Variants in PDGFRL observed in about 807,000 individuals in gnomAD.
PDGFRL encodes the protein platelet derived growth factor receptor like.
A neutral mutation model predicts 37.2 loss-of-function variants in PDGFRL; 46 were observed. That is an observed-to-expected ratio of 1.24 (90% CI 0.98 to 1.58). The LOEUF is 1.58. Among genes scored for constraint, PDGFRL ranks in the 40% most tolerant of loss-of-function variants. The pLI is 0.00. For synonymous variants in PDGFRL, 251 were observed against 184.3 expected, an observed-to-expected ratio of 1.36 and a Z score of -2.93; for missense variants, 692 against 467.6, an observed-to-expected ratio of 1.48 and a Z score of -4.43.
At chr8:17,591,035 A>C (rs552776269) in intron 2 of PDGFRL, among the ~76,000 whole-genome samples, 1 of 152,072 alleles carries the variant, frequency 6.6e-6, no homozygotes, top group African/African-American at 2.4e-5. Flanking sequence ...GGTGCCTGCC[A>C]CCACGCCTGG....
chr8:17,636,218 G>A (rs981333244), intron 5 of PDGFRL, among the ~76,000 whole-genome samples: 2 of 152,196 alleles, frequency 1.3e-5, no homozygotes, highest in African/African-American at 4.8e-5. Context: ...TTTTTCCACT[G>A]TTATCTTCTA....
chr8:17,621,241 C>A, intron 3 of PDGFRL, 39 bp downstream of exon 3: 2 of 1,463,272 alleles, frequency 1.4e-6, no homozygotes, highest in Non-Finnish European at 1.9e-6. Context: ...CTTCAAACTT[C>A]TGGACCGGGC....
chr8:17,586,430 A>T (rs911166579), intron 1 of PDGFRL, among the ~76,000 whole-genome samples: 1 of 152,188 alleles, frequency 6.6e-6, no homozygotes, highest in Admixed American at 6.5e-5. Context: ...ATTTGTGCAA[A>T]TAAAGTGAAA....
At chr8:17,625,515 A>T (rs1193151324) in intron 3 of PDGFRL, among the ~76,000 whole-genome samples, 1 of 151,958 alleles carries the variant, frequency 6.6e-6, no homozygotes, top group Non-Finnish European at 1.5e-5. Context: ...TTTGTCTTCT[A>T]GATAAGTGGA....
intron 1 of PDGFRL, among the ~76,000 whole-genome samples, chr8:17,582,438 C>T (rs1364967003): frequency 6.6e-6 from 1 of 151,930 alleles, no homozygotes; most frequent in Non-Finnish European, 1.5e-5. Context: ...AGAAGTTAGC[C>T]TGATGTCGTG....
At chr8:17,608,435 G>A (rs768340478) in intron 2 of PDGFRL, among the ~76,000 whole-genome samples, 11 of 152,132 alleles carry the variant, frequency 7.2e-5, no homozygotes, top group Non-Finnish European at 1.6e-4. Context: ...GTGCCCTCAT[G>A]CGTTTATTTA....
chr8:17,590,582 C>T (rs1231645054), intron 2 of PDGFRL, among the ~76,000 whole-genome samples: 9 of 150,384 alleles, frequency 6.0e-5, no homozygotes, highest in African/African-American at 2.2e-4. Flanking sequence ...TGGTAGCATG[C>T]ACCTGCAATT....
intron 3 of PDGFRL, among the ~76,000 whole-genome samples, chr8:17,622,580 G>A (rs533566268): frequency 3.7e-4 from 57 of 152,332 alleles, no homozygotes; most frequent in African/African-American, 1.4e-3. Context: ...GGAAGCACAT[G>A]TATCTCATTT....
intron 1 of PDGFRL, among the ~76,000 whole-genome samples, chr8:17,582,326 A>G (rs1803724003): frequency 6.6e-6 from 1 of 152,134 alleles, no homozygotes; most frequent in Non-Finnish European, 1.5e-5. Context: ...AGGGTGGCTC[A>G]CGCCTGTAAT....
chr8:17,601,962 A>G (rs751780478), intron 2 of PDGFRL, among the ~76,000 whole-genome samples: 3 of 152,186 alleles, frequency 2.0e-5, no homozygotes, highest in African/African-American at 4.8e-5. Context: ...AGAACTATCT[A>G]TATTCCTTTG....
chr8:17,593,424 T>C (rs377448447), intron 2 of PDGFRL, among the ~76,000 whole-genome samples: 6 of 101,776 alleles, frequency 5.9e-5, no homozygotes, highest in African/African-American at 1.8e-4. Context: ...AAACCATCTC[T>C]ACTAAAAATA....
At chr8:17,636,051 C>T (rs1455948348) in intron 5 of PDGFRL, among the ~76,000 whole-genome samples, 1 of 152,234 alleles carries the variant, frequency 6.6e-6, no homozygotes, top group Non-Finnish European at 1.5e-5. Flanking sequence ...CAAAAATTTT[C>T]TCCCACTCTG....
At chr8:17,611,620 C>G (rs1804414019) in intron 2 of PDGFRL, among the ~76,000 whole-genome samples, 1 of 152,114 alleles carries the variant, frequency 6.6e-6, no homozygotes. Flanking sequence ...TGGTGAGGAG[C>G]TAGATGGCTA....
chr8:17,628,622 A>T lies in PDGFRL; in HGVS notation c.641A>T (p.Lys214Met). 1 of 1,614,186 alleles carries T rather than the reference A, an allele frequency of 6.2e-7. No individual in the cohort carries two copies. The highest frequency in any genetic ancestry group is 1.1e-5 in the South Asian group (1 of 91,088). The change falls in exon 4 of 6, where the codon AAG becomes ATG. Residue 214 changes from lysine (K) to methionine (M), a missense_variant. By Grantham distance (95) the Lys-to-Met change is moderately conservative. Coordinates refer to ENST00000251630, the MANE Select transcript of PDGFRL (RefSeq NM_001372073.1). Reference protein sequence around the residue: ...KVTLHREFPAKEIPANGTDIV... With the variant: ...KVTLHREFPAMEIPANGTDIV... ...ACGCTCCACAGGGAATTCCCAGCCA[A>T]GGAGATCCCAGCCAATGGAACGGAC...
At chr8:17,640,432 C>T (rs113507199) in intron 5 of PDGFRL, among the ~76,000 whole-genome samples, 2,509 of 152,232 alleles carry the variant, frequency 0.016, 71 homozygotes, top group African/African-American at 0.057. Flanking sequence ...ATCTGGGGCT[C>T]AAGGGCTGCT....
intron 3 of PDGFRL, among the ~76,000 whole-genome samples, chr8:17,623,912 C>T (rs1464297884): frequency 1.6e-4 from 24 of 148,840 alleles, no homozygotes; most frequent in South Asian, 4.2e-4. Context: ...GTTTTGGAGG[C>T]GGAACCTTTT....
At chr8:17,633,485 G>A (rs1348124894) in intron 4 of PDGFRL, among the ~76,000 whole-genome samples, 4 of 152,114 alleles carry the variant, frequency 2.6e-5, no homozygotes, top group Non-Finnish European at 4.4e-5. Context: ...CCGAGATCGC[G>A]CAGCTGCACT....
chr8:17,616,133 G>C lies in PDGFRL; in HGVS notation c.354-4918G>C, dbSNP rs529694588. Among the ~76,000 whole-genome samples the C allele has an allele frequency of 2.0e-5, 3 of 151,934 alleles. No homozygotes were observed. The South Asian group carries it at 6.3e-4, about 32-fold the overall frequency. On this transcript the variant is annotated intron_variant, in intron 2 of 5. Transcript: ENST00000251630. The stretch of plus-strand genomic sequence containing the variant: ...AGCTGGGATTTGAATCTGGTCAGTA[G>C]GGTTCCAAAGTCCATGATTTTATTT...
upstream of PDGFRL, chr8:17,576,702 G>A: frequency 1.0e-6 from 1 of 985,670 alleles, no homozygotes; most frequent in Non-Finnish European, 1.2e-6. Context: ...GCTGGGTGCG[G>A]AGACCAACTC....
Sources: gnomAD v4.1 joint callset for allele counts (sites outside exome capture counted in the v4.1 genomes callset) on GRCh38, gnomAD v4.1.1 for gene constraint, MANE v1.5 for transcripts, NCBI Gene and HGNC (gene_info 2026-07-23, HGNC 2026-07-21) for gene names.